ZNF385D: variants seen among roughly 807,000 people sequenced by gnomAD.
The protein encoded by ZNF385D is zinc finger protein 659.
In ZNF385D, 15 loss-of-function variants were observed where a neutral mutation model predicts 35.8. That is an observed-to-expected ratio of 0.42 (90% CI 0.28 to 0.64). The LOEUF is 0.64. Among genes scored for constraint, ZNF385D ranks in the 30% least tolerant of loss-of-function variants. ZNF385D has a pLI of 0.23. For synonymous variants in ZNF385D, 212 were observed against 186.8 expected (o/e 1.13, Z -1.10); for missense variants, 474 against 494.6 (o/e 0.96, Z 0.39).
intron 3 of ZNF385D, among the ~76,000 whole-genome samples, chr3:21,964,784 G>A (rs1207039685): frequency 3.5e-5 from 5 of 142,886 alleles, no homozygotes; most frequent in South Asian, 2.1e-4. Flanking sequence ...GAGCCACTGC[G>A]CCCAGCCTAA....
At chr3:22,293,716 G>C (rs1341914625) in intron 2 of ZNF385D, among the ~76,000 whole-genome samples, 2 of 152,106 alleles carry the variant, frequency 1.3e-5, no homozygotes, top group African/African-American at 2.4e-5. Flanking sequence ...GGTTCTCAAA[G>C]ACTGGCCCCA....
intron 2 of ZNF385D, among the ~76,000 whole-genome samples, chr3:22,244,612 T>C (rs1211143954): frequency 2.0e-5 from 3 of 150,782 alleles, no homozygotes; most frequent in African/African-American, 4.9e-5. Context: ...CAAAGTAAAA[T>C]TGTTAAGTTT....
intron 4 of ZNF385D, among the ~76,000 whole-genome samples, chr3:21,507,939 T>A (rs2125457548): frequency 6.6e-6 from 1 of 152,312 alleles, no homozygotes; most frequent in Non-Finnish European, 1.5e-5. Context: ...TTAAAGAGAA[T>A]TTGGCTCAAA....
chr3:22,162,332 G>A (rs1219698070), intron 3 of ZNF385D, among the ~76,000 whole-genome samples: 1 of 152,110 alleles, frequency 6.6e-6, no homozygotes, highest in African/African-American at 2.4e-5. Flanking sequence ...TTTTGTGGGA[G>A]GGTTTACATC....
intron 4 of ZNF385D, among the ~76,000 whole-genome samples, chr3:21,478,363 AC>A (rs1443092350): frequency 2.6e-5 from 4 of 152,136 alleles, no homozygotes; most frequent in Non-Finnish European, 5.9e-5. Context: ...ATTAGGCCTC[AC>A]CATGCAATTG....
At chr3:21,931,020 T>A (rs932973541) in intron 3 of ZNF385D, among the ~76,000 whole-genome samples, 1 of 151,988 alleles carries the variant, frequency 6.6e-6, no homozygotes, top group South Asian at 2.1e-4. Flanking sequence ...GACAATGAAA[T>A]GCCAAGTCAT....
chr3:22,138,242 C>G (rs1283526840), intron 3 of ZNF385D, among the ~76,000 whole-genome samples: 1 of 152,072 alleles, frequency 6.6e-6, no homozygotes, highest in African/African-American at 2.4e-5. Flanking sequence ...CCATACTGCC[C>G]AAGGCAATTT....
chr3:22,139,622 G>T (rs983102338), intron 3 of ZNF385D, among the ~76,000 whole-genome samples: 2 of 151,880 alleles, frequency 1.3e-5, no homozygotes, highest in African/African-American at 2.4e-5. Context: ...TTGTGGGGTG[G>T]GGGGAGGAGG....
chr3:22,319,894 A>G (rs955893455), intron 2 of ZNF385D, among the ~76,000 whole-genome samples: 1 of 152,024 alleles, frequency 6.6e-6, no homozygotes, highest in African/African-American at 2.4e-5. Flanking sequence ...TTTTCCTTTA[A>G]GTGTACCTGT....
chr3:22,352,969 G>C (rs755682812), intron 2 of ZNF385D, among the ~76,000 whole-genome samples: 7 of 152,106 alleles, frequency 4.6e-5, no homozygotes, highest in Non-Finnish European at 8.8e-5. Flanking sequence ...CTACATGGAG[G>C]GACATGAGGC....
chr3:21,605,492 G>C (rs2064451370), intron 2 of ZNF385D, among the ~76,000 whole-genome samples: 1 of 148,982 alleles, frequency 6.7e-6, no homozygotes, highest in Non-Finnish European at 1.5e-5. Flanking sequence ...CCTATTATAG[G>C]AGACAGGCCA....
intron 3 of ZNF385D, among the ~76,000 whole-genome samples, chr3:22,068,366 G>A (rs1165467307): frequency 6.6e-6 from 1 of 152,062 alleles, no homozygotes; most frequent in East Asian, 1.9e-4. Context: ...GTCCCTTCAT[G>A]AGCATTAAAA....
rs143966910 is a variant in ZNF385D at position 21,927,209 on chromosome 3, C to T, written c.325+241608G>A. 3.1e-3 allele frequency among the ~76,000 whole-genome samples: 473 copies of T among 152,234 alleles called. 2 individuals carry two copies. The highest frequency in any genetic ancestry group is 4.9e-3 in the Non-Finnish European group (335 of 68,016). On this transcript the variant is annotated intron_variant, in intron 3 of 5. Coordinates refer to the ZNF385D transcript ENST00000494108. Reference sequence around the variant, plus strand: ...GGATAGAAGCTCCCTGAAGTCCTCACCAGAAGCAAGTGTTGGTACCATGCT... The same window carrying T: ...GGATAGAAGCTCCCTGAAGTCCTCATCAGAAGCAAGTGTTGGTACCATGCT...
chr3:22,261,884 C>T (rs1489665224), intron 2 of ZNF385D, among the ~76,000 whole-genome samples: 1 of 151,976 alleles, frequency 6.6e-6, no homozygotes, highest in African/African-American at 2.4e-5. Context: ...GCCTATGGTA[C>T]TTTCCATCTC....
intron 4 of ZNF385D, among the ~76,000 whole-genome samples, chr3:21,480,038 T>G (rs1252816714): frequency 6.6e-6 from 1 of 152,062 alleles, no homozygotes; most frequent in Non-Finnish European, 1.5e-5. Context: ...AACAGTCATA[T>G]ACAGAGATGG....
At chr3:21,791,750 T>C (rs932564986) in intron 3 of ZNF385D, among the ~76,000 whole-genome samples, 1 of 152,194 alleles carries the variant, frequency 6.6e-6, no homozygotes, top group Non-Finnish European at 1.5e-5. Flanking sequence ...TTTTGGTTGT[T>C]GTTGAGATGG....
Position 22,136,909 on chromosome 3 carries a change from G to A in ZNF385D, c.325+31908C>T, listed in dbSNP as rs149392750. Among the ~76,000 whole-genome samples the A allele has an allele frequency of 2.0e-5, 3 of 152,248 alleles. No homozygotes were observed. In the East Asian group the frequency reaches 5.8e-4, roughly 29 times the overall value. On this transcript the variant is annotated intron_variant, in intron 3 of 5. Transcript: ENST00000494108. ...AAAACTATGAAATCGGTAAAAAGAT[G>A]AAGGATTCTAGAGAAGGAATAGAGG...
rs554850597 is a variant in ZNF385D at position 21,950,923 on chromosome 3, G to A, written c.325+217894C>T. On this transcript the variant is annotated intron_variant, in intron 3 of 5. Coordinates refer to the ZNF385D transcript ENST00000494108. ...GGTCTGTATATCTGTTTTGGTACCT[G>A]TACCATGCTGTTTTGGTTACTGTAG... Among the ~76,000 whole-genome samples the A allele has an allele frequency of 7.2e-5, 11 of 151,784 alleles. 1 individual carries two copies. In the South Asian group the frequency reaches 1.5e-3, roughly 20 times the overall value.
At chr3:21,744,726 C>T (rs17009440) in intron 1 of ZNF385D, among the ~76,000 whole-genome samples, 10,776 of 151,888 alleles carry the variant, frequency 0.071, 491 homozygotes, top group East Asian at 0.099. Flanking sequence ...GAGTTAACAC[C>T]GGCTTTACAC....
Sources: gnomAD v4.1 joint callset for allele counts (sites outside exome capture counted in the v4.1 genomes callset) on GRCh38, gnomAD v4.1.1 for gene constraint, MANE v1.5 for transcripts, NCBI Gene and HGNC (gene_info 2026-07-23, HGNC 2026-07-21) for gene names.